SLC22A25: variants seen among roughly 807,000 people sequenced by gnomAD.
SLC22A25 encodes the protein solute carrier family 22 member 25.
Under a neutral mutation model 45.9 loss-of-function variants are expected in SLC22A25, and 44 were observed. The ratio of observed to expected loss-of-function variants is 0.96; its 90% confidence interval spans 0.75 to 1.23. SLC22A25 has a LOEUF of 1.23. SLC22A25 is among the 50% of genes most tolerant of loss of function. The pLI, the probability that SLC22A25 is intolerant of heterozygous loss-of-function variation, is 0.00. For missense variants in SLC22A25, 800 were observed against 666.4 expected, an observed-to-expected ratio of 1.20 and a Z score of -2.21; for synonymous variants, 283 against 238.6, an observed-to-expected ratio of 1.19 and a Z score of -1.72.
At chr11:63,200,626 C>G (rs372875965) in intron 7 of SLC22A25, among the ~76,000 whole-genome samples, 6 of 152,096 alleles carry the variant, frequency 3.9e-5, no homozygotes, top group African/African-American at 1.2e-4. Context: ...CTCACCACTC[C>G]TATTCAACAT....
chr11:63,168,900 G>T (rs1256949782), intron 9 of SLC22A25, among the ~76,000 whole-genome samples: 1 of 152,060 alleles, frequency 6.6e-6, no homozygotes, highest in Non-Finnish European at 1.5e-5. Flanking sequence ...GGAAAAAAAT[G>T]TTAAGGGCAG....
chr11:63,204,613 A>G (rs1311842528), intron 7 of SLC22A25, among the ~76,000 whole-genome samples: 1 of 152,246 alleles, frequency 6.6e-6, no homozygotes, highest in Non-Finnish European at 1.5e-5. Context: ...AGAGCTAAGT[A>G]TCCTAAATAT....
intron 7 of SLC22A25, among the ~76,000 whole-genome samples, chr11:63,198,617 A>C (rs2089137632): frequency 6.6e-6 from 1 of 152,172 alleles, no homozygotes; most frequent in Non-Finnish European, 1.5e-5. Flanking sequence ...TACCTAATGT[A>C]AATGATGAGT....
intron 7 of SLC22A25, among the ~76,000 whole-genome samples, chr11:63,192,426 T>C (rs1204202618): frequency 6.6e-6 from 1 of 152,174 alleles, no homozygotes; most frequent in African/African-American, 2.4e-5. Context: ...AGCAGACTCA[T>C]GAACAAGTCT....
chr11:63,188,674 T>C (rs527255841), intron 7 of SLC22A25, among the ~76,000 whole-genome samples: 36 of 152,244 alleles, frequency 2.4e-4, no homozygotes, highest in Non-Finnish European at 5.1e-4. Context: ...CTTTCTCTTG[T>C]GGGCATGTAG....
chr11:63,238,164 C>T (rs936870732), intron 2 of SLC22A25, among the ~76,000 whole-genome samples, 152 bp from the exon 3 acceptor site: 3 of 152,182 alleles, frequency 2.0e-5, no homozygotes, highest in African/African-American at 4.8e-5. Flanking sequence ...ACTATTTGAC[C>T]TTTATCATTC....
chr11:63,163,907 G>T lies in SLC22A25; in HGVS notation c.1561C>A (p.Gln521Lys), dbSNP rs747168707. 1 of 1,613,798 alleles carries T rather than the reference G, an allele frequency of 6.2e-7. No homozygotes were observed. Among genetic ancestry groups the T allele is most frequent in the South Asian group, 1.1e-5 (1 of 91,060 alleles). The change falls in exon 12 of 12, where the codon CAG (glutamine) becomes AAG (lysine). Residue 521 changes from glutamine to lysine, a missense_variant. By Grantham distance (53) the Gln-to-Lys change is moderately conservative. Transcript: ENST00000306494. ...VVLLLPETRN[Q>K]PLLDSIQDVE... ...TCCTGGATGCTGTCAAGAAGAGGCT[G>T]GTTCCTGGTTTCAGGAAGGAGGAGG...
rs151003862 is a variant in SLC22A25, at chr11:63,235,856, C to A, written c.-445+2025G>T. Among the ~76,000 whole-genome samples the A allele has an allele frequency of 7.7e-3, 1,172 of 152,278 alleles. 20 individuals are homozygous for A. Among genetic ancestry groups the A allele is most frequent in the African/African-American group, 0.026 (1,086 of 41,546 alleles). On this transcript the variant is annotated intron_variant, in intron 3 of 11. Coordinates refer to ENST00000306494, the MANE Select transcript of SLC22A25 (RefSeq NM_199352.6). Reference sequence around the variant, plus strand: ...TCCTTTCTGTTTGTTAGTTTTCCTTCTAACAGTCAAGACCCTCAGCTGCAG... The same window carrying A: ...TCCTTTCTGTTTGTTAGTTTTCCTTATAACAGTCAAGACCCTCAGCTGCAG...
chr11:63,234,971 T>C (rs745935625), intron 3 of SLC22A25, among the ~76,000 whole-genome samples: 1 of 152,212 alleles, frequency 6.6e-6, no homozygotes, highest in African/African-American at 2.4e-5. Flanking sequence ...TGGCCCCCCC[T>C]CTCTTCTGGC....
At chr11:63,191,668 C>A (rs1351815663) in intron 7 of SLC22A25, among the ~76,000 whole-genome samples, 1 of 152,134 alleles carries the variant, frequency 6.6e-6, no homozygotes, top group East Asian at 1.9e-4. Flanking sequence ...GGAGCTGTTC[C>A]TATTTGGCCA....
intron 5 of SLC22A25, chr11:63,218,015 T>A (rs550530516): frequency 8.5e-6 from 5 of 588,184 alleles, no homozygotes; most frequent in African/African-American, 1.8e-5. Flanking sequence ...GATGTTGAAA[T>A]GTTAACACAC....
At chr11:63,212,054 G>A (rs2089581007) in intron 7 of SLC22A25, among the ~76,000 whole-genome samples, 2 of 152,146 alleles carry the variant, frequency 1.3e-5, no homozygotes, top group Admixed American at 6.5e-5. Flanking sequence ...GCAGCCAAAA[G>A]ACACACGAAA....
chr11:63,228,569 A>T lies in SLC22A25; in HGVS notation c.403-5T>A. The T allele has an allele frequency of 1.9e-6, 3 of 1,605,746 alleles. No homozygotes were observed. The South Asian group carries it at 3.3e-5, about 18-fold the overall frequency. On this transcript the variant is annotated splice_polypyrimidine_tract_variant and splice_region_variant and intron_variant, in intron 4 of 11. Transcript: ENST00000306494. ...AGATTCGCATACCAGATCCCACTGG[A>T]AGAAAAGGAAACCCTCATATCAATG...
Position 63,161,165 on chromosome 11 carries a change from TG to T in SLC22A25, c.*2658del, listed in dbSNP as rs1342606182. ...TTATCTAGGTACAGCCTCATCCTTT[TG>T]TTTTGGTCAATTTCTCCCATTTGGA... On this transcript the variant is annotated 3_prime_UTR_variant, in exon 12 of 12. Transcript: ENST00000306494. Among the ~76,000 whole-genome samples, 1 of 152,140 alleles carries T rather than the reference TG, an allele frequency of 6.6e-6. No homozygotes were observed. The highest frequency in any genetic ancestry group is 6.6e-5 in the Admixed American group (1 of 15,264).
intron 7 of SLC22A25, among the ~76,000 whole-genome samples, chr11:63,211,171 C>A (rs1053373266): frequency 1.3e-5 from 2 of 152,146 alleles, no homozygotes; most frequent in Admixed American, 1.3e-4. Flanking sequence ...TAGAGCTTAA[C>A]CCTCATGCTG....
rs759110428 is a variant in SLC22A25, at chr11:63,164,507, C to T, written c.1394+19G>A. The T allele has an allele frequency of 1.9e-6, 3 of 1,592,772 alleles. No individual in the cohort carries two copies. Among genetic ancestry groups the T allele is most frequent in the Middle Eastern group, 1.7e-4 (1 of 6,048 alleles). On this transcript the variant is annotated intron_variant, in intron 11 of 11. Coordinates refer to ENST00000306494, the MANE Select transcript of SLC22A25 (RefSeq NM_199352.6). ...CAGGTCCATTTTGAGAATGACAGAGCACACATAAACTTTTGTACCTGATTA... is the reference window on the plus strand; with the variant it reads ...CAGGTCCATTTTGAGAATGACAGAGTACACATAAACTTTTGTACCTGATTA...
Position 63,229,577 on chromosome 11 carries a change from T to A in SLC22A25, c.76A>T (p.Met26Leu). The A allele has an allele frequency of 3.1e-6, 5 of 1,614,000 alleles. No homozygotes were observed. The highest frequency in any genetic ancestry group is 4.2e-6 in the Non-Finnish European group (5 of 1,179,890). Residue 26 changes from methionine to leucine, a missense_variant, in exon 4 of 12, where the codon ATG becomes TTG. Transcript: ENST00000306494. ...TGATGGTATACTATGACGTTGAACA[T>A]TATAAGGAAAACCATCTGAAGGATC... ...FQILQMVFLI[M>L]FNVIVYHQTQ...
chr11:63,236,660 T>A (rs2090169922), intron 3 of SLC22A25, among the ~76,000 whole-genome samples: 1 of 152,058 alleles, frequency 6.6e-6, no homozygotes, highest in South Asian at 2.1e-4. Flanking sequence ...CTGCACCCAC[T>A]GTCCCGCACC....
intron 7 of SLC22A25, among the ~76,000 whole-genome samples, chr11:63,195,120 T>G (rs555865976): frequency 2.0e-5 from 3 of 151,968 alleles, no homozygotes; most frequent in African/African-American, 7.3e-5. Flanking sequence ...CTTAGAGACC[T>G]ACAAAGACAC....
Sources: gnomAD v4.1 joint callset for allele counts (sites outside exome capture counted in the v4.1 genomes callset) on GRCh38, gnomAD v4.1.1 for gene constraint, MANE v1.5 for transcripts, NCBI Gene and HGNC (gene_info 2026-07-23, HGNC 2026-07-21) for gene names.